Variants in STX8 observed in about 807,000 individuals in gnomAD.
The protein encoded by STX8 is syntaxin-8.
Under a neutral mutation model 37.5 loss-of-function variants are expected in STX8, and 23 were observed. That is an observed-to-expected ratio of 0.61 (90% CI 0.44 to 0.87). The LOEUF (loss-of-function observed/expected upper bound fraction) is 0.87, where lower values mean the gene tolerates loss of function less well. Ranked by LOEUF, STX8 falls within the 40% of genes least tolerant of loss-of-function variation. The probability of loss-of-function intolerance (pLI) is 0.00; values close to 1 mark genes in which losing one functional copy is unlikely to be tolerated. For synonymous variants in STX8, 115 were observed against 99.1 expected, an observed-to-expected ratio of 1.16 and a Z score of -0.95; for missense variants, 313 against 284.7, an observed-to-expected ratio of 1.10 and a Z score of -0.71.
intron 6 of STX8, among the ~76,000 whole-genome samples, chr17:9,466,710 A>C (rs1261197591): frequency 6.6e-6 from 1 of 152,106 alleles, no homozygotes; most frequent in Admixed American, 6.5e-5. Flanking sequence ...CTTCTCATCA[A>C]ACTTGGCCTG....
At chr17:9,354,618 C>T (rs919120821) in intron 7 of STX8, among the ~76,000 whole-genome samples, 12 of 150,316 alleles carry the variant, frequency 8.0e-5, no homozygotes, top group Admixed American at 6.0e-4. Context: ...CCGTGCCCGG[C>T]CCATATTTAC....
intron 7 of STX8, among the ~76,000 whole-genome samples, chr17:9,358,647 G>A (rs369440778): frequency 8.0e-4 from 122 of 152,294 alleles, no homozygotes; most frequent in African/African-American, 2.8e-3. Flanking sequence ...CGGCTGGTGA[G>A]GCCACACAAA....
intron 7 of STX8, among the ~76,000 whole-genome samples, chr17:9,289,672 C>T (rs904339150): frequency 1.3e-5 from 2 of 151,084 alleles, no homozygotes; most frequent in Admixed American, 1.3e-4. Context: ...CCCAGCTACT[C>T]GGGAGGCTGA....
intron 7 of STX8, among the ~76,000 whole-genome samples, chr17:9,264,430 G>A (rs1300290189): frequency 6.6e-6 from 1 of 152,156 alleles, no homozygotes; most frequent in East Asian, 1.9e-4. Context: ...TCAGCCTCCT[G>A]AGAAGATGGG....
Position 9,250,484 on chromosome 17 carries a change from G to A in STX8, c.*94C>T. The stretch of plus-strand genomic sequence containing the variant: ...ATGCACAAGAGGTCAGAGCTTTGGG[G>A]GAATTTATTGAGAGCAGGTTTTGCG... On this transcript the variant is annotated 3_prime_UTR_variant, in exon 8 of 8. Coordinates refer to ENST00000306357, the MANE Select transcript of STX8 (RefSeq NM_004853.3). 8.5e-7 allele frequency: 1 copy of A among 1,180,702 alleles called. No individual in the cohort carries two copies. The highest frequency in any genetic ancestry group is 1.2e-6 in the Non-Finnish European group (1 of 811,868). 73.1% of individuals were successfully genotyped at this position (1,180,702 alleles called of 1,614,324 possible). A position where few individuals can be genotyped will look rare whatever the true frequency, so the allele number is the denominator to read the frequency against.
chr17:9,426,316 C>T (rs529094568), intron 6 of STX8, among the ~76,000 whole-genome samples: 2 of 152,202 alleles, frequency 1.3e-5, no homozygotes, highest in Admixed American at 1.3e-4. Flanking sequence ...CACCTGAGGT[C>T]AGGAGTTTGA....
Position 9,373,140 on chromosome 17 carries a change from A to G in STX8, c.643+5412T>C, listed in dbSNP as rs186238034. ...AAAAAAGAAAAGAAAAGAAAAAGAA[A>G]AAGAAAAAGAAAATACTGGAAAGTA... On this transcript the variant is annotated intron_variant, in intron 7 of 7. Coordinates refer to ENST00000306357, the MANE Select transcript of STX8 (RefSeq NM_004853.3). Among the ~76,000 whole-genome samples the G allele has an allele frequency of 3.2e-3, 491 of 151,930 alleles. 3 individuals are homozygous for G. The highest frequency in any genetic ancestry group is 0.011 in the African/African-American group (462 of 41,500).
chr17:9,530,805 ATTT>A (rs1905786055), intron 4 of STX8, among the ~76,000 whole-genome samples: 1 of 152,158 alleles, frequency 6.6e-6, no homozygotes, highest in Non-Finnish European at 1.5e-5. Flanking sequence ...GATAAAAAGA[ATTT>A]TTTGTTTTAA....
rs914640896 is a variant in STX8, at chr17:9,342,952, C to T, written c.643+35600G>A. Among the ~76,000 whole-genome samples the T allele has an allele frequency of 3.5e-5, 5 of 141,370 alleles. No individual in the cohort carries two copies. In the East Asian group the frequency reaches 6.3e-4, roughly 18 times the overall value. The allele number at this position is 141,370 out of a possible 152,430, so 92.7% of individuals were successfully genotyped here. A position where few individuals can be genotyped will look rare whatever the true frequency, so the allele number is the denominator to read the frequency against. On this transcript the variant is annotated intron_variant, in intron 7 of 7. Transcript: ENST00000306357. ...AGGAGAATCGCCTGAACCCGGGAGG[C>T]GGAGGTTGCAGTGAGCCAAGATTGT...
chr17:9,272,993 G>C (rs1048788925), intron 7 of STX8, among the ~76,000 whole-genome samples: 1 of 152,230 alleles, frequency 6.6e-6, no homozygotes, highest in Non-Finnish European at 1.5e-5. Flanking sequence ...CATCCATCGA[G>C]CCTGGCTAGA....
chr17:9,297,070 T>G (rs572147515), intron 7 of STX8, among the ~76,000 whole-genome samples: 16 of 152,284 alleles, frequency 1.1e-4, no homozygotes, highest in Admixed American at 3.9e-4. Flanking sequence ...GAGGACTTCA[T>G]GACATGATGC....
In STX8 at chr17:9,559,731, A is replaced by ATT. The variant is rs1287565066; in HGVS notation, c.118-2205_118-2204dup. Among the ~76,000 whole-genome samples the ATT allele has an allele frequency of 2.3e-3, 121 of 51,628 alleles. 2 individuals carry two copies. The highest frequency in any genetic ancestry group is 7.4e-3 in the African/African-American group (104 of 14,030). The allele number at this position is 51,628 out of a possible 152,430, so 33.9% of individuals were successfully genotyped here. ...GAGAATCAACTGAAAGATTATTATT[A>ATT]TTTTATATATATATATATATATATA... On this transcript the variant is annotated intron_variant, in intron 2 of 7. Coordinates refer to ENST00000306357, the MANE Select transcript of STX8 (RefSeq NM_004853.3).
At chr17:9,411,111 T>C (rs1449160584) in intron 6 of STX8, among the ~76,000 whole-genome samples, 1 of 152,178 alleles carries the variant, frequency 6.6e-6, no homozygotes, top group East Asian at 1.9e-4. Flanking sequence ...ACAAGGAGCA[T>C]TTTCCTCCAA....
chr17:9,298,228 G>A (rs1291828369), intron 7 of STX8, among the ~76,000 whole-genome samples: 1 of 152,152 alleles, frequency 6.6e-6, no homozygotes, highest in Non-Finnish European at 1.5e-5. Context: ...GAAGAAGATG[G>A]ACAGTAAAAG....
At chr17:9,562,199 C>T (rs568923941) in intron 2 of STX8, among the ~76,000 whole-genome samples, 5 of 151,394 alleles carry the variant, frequency 3.3e-5, no homozygotes, top group South Asian at 4.2e-4. Context: ...GTCAGGAGAT[C>T]GAGATCATCC....
chr17:9,278,446 T>C (rs1182109171), intron 7 of STX8, among the ~76,000 whole-genome samples: 1 of 148,254 alleles, frequency 6.7e-6, no homozygotes, highest in Admixed American at 6.7e-5. Flanking sequence ...TGAAATTCCA[T>C]CTCAGAAAAA....
chr17:9,421,488 A>G (rs543441927), intron 6 of STX8, among the ~76,000 whole-genome samples: 1 of 150,030 alleles, frequency 6.7e-6, no homozygotes, highest in Non-Finnish European at 1.5e-5. Context: ...GGTTTATAAT[A>G]CAATGTAGCA....
At chr17:9,481,241 G>A (rs73265564) in intron 6 of STX8, among the ~76,000 whole-genome samples, 3,778 of 152,238 alleles carry the variant, frequency 0.025, 136 homozygotes, top group African/African-American at 0.084. Context: ...CCACCAGGAA[G>A]TGCACCCAAA....
In STX8 at chr17:9,357,939, C is replaced by T. The variant is rs1258495161; in HGVS notation, c.643+20613G>A. Among the ~76,000 whole-genome samples, 3 of 152,310 alleles carry T rather than the reference C, an allele frequency of 2.0e-5. No individual in the cohort carries two copies. The East Asian group carries it at 5.8e-4, about 29-fold the overall frequency. On this transcript the variant is annotated intron_variant, in intron 7 of 7. Coordinates refer to ENST00000306357, the MANE Select transcript of STX8 (RefSeq NM_004853.3). ...CCAGAATAAGTAGCTAAGTGCACAACAGCCCTCTCTGTAAAGTTTGACTGC... is the reference window on the plus strand; with the variant it reads ...CCAGAATAAGTAGCTAAGTGCACAATAGCCCTCTCTGTAAAGTTTGACTGC...
Sources: allele counts gnomAD v4.1 joint callset (sites outside exome capture counted in the v4.1 genomes callset), GRCh38; gene constraint gnomAD v4.1.1; transcripts MANE v1.5; gene names NCBI Gene and HGNC (gene_info 2026-07-23, HGNC 2026-07-21).